Variants in PAWR observed in about 807,000 individuals in gnomAD.
PAWR encodes PRKC apoptosis WT1 regulator protein.
In PAWR, 23 loss-of-function variants were observed where a neutral mutation model predicts 32.0. The ratio of observed to expected loss-of-function variants is 0.72; its 90% CI spans 0.52 to 1.02. PAWR has a LOEUF of 1.02. PAWR is among the 50% of genes least tolerant of loss of function. The pLI, the probability that PAWR is intolerant of heterozygous loss-of-function variation, is 0.00. For synonymous variants in PAWR, 226 were observed against 187.1 expected, an observed-to-expected ratio of 1.21 and a Z score of -1.70; for missense variants, 457 against 437.7, an observed-to-expected ratio of 1.04 and a Z score of -0.39.
intron 2 of PAWR, among the ~76,000 whole-genome samples, chr12:79,627,413 C>T (rs1289127163): frequency 6.6e-6 from 1 of 152,142 alleles, no homozygotes; most frequent in Non-Finnish European, 1.5e-5. Flanking sequence ...TGTTCATATC[C>T]TTCGCCCACT....
chr12:79,641,986 T>A (rs1156869999), intron 2 of PAWR, among the ~76,000 whole-genome samples: 6 of 151,634 alleles, frequency 4.0e-5, no homozygotes, highest in African/African-American at 1.5e-4. Flanking sequence ...GGATATAATG[T>A]AAAAAATGTA....
intron 4 of PAWR, among the ~76,000 whole-genome samples, chr12:79,600,544 C>T (rs1873919347): frequency 6.6e-6 from 1 of 151,748 alleles, no homozygotes; most frequent in African/African-American, 2.4e-5. Flanking sequence ...GCCACCATGG[C>T]TCACTGCAGC....
At chr12:79,665,905 C>T (rs1359863671) in intron 2 of PAWR, among the ~76,000 whole-genome samples, 1 of 152,190 alleles carries the variant, frequency 6.6e-6, no homozygotes, top group African/African-American at 2.4e-5. Context: ...ATATATCTCA[C>T]AATAAATAAG....
At chr12:79,680,013 C>T (rs1878363383) in intron 2 of PAWR, among the ~76,000 whole-genome samples, 1 of 152,076 alleles carries the variant, frequency 6.6e-6, no homozygotes. Flanking sequence ...GTTTTTACAA[C>T]GTTTTACATA....
At position 79,689,983 on chromosome 12, in the gene PAWR, C is replaced by T. The variant is rs1878906729; in HGVS notation, c.262G>A (p.Gly88Ser). Reference sequence around the variant, plus strand: ...GCGGAGCCGACCGCGCAGTTCACGCCCCCGGGACCGGGGACGGCAGGTGCG... The same window carrying T: ...GCGGAGCCGACCGCGCAGTTCACGCTCCCGGGACCGGGGACGGCAGGTGCG... ...PAAPAVPGPGGVNCAVGSAML... is the reference protein window; with the variant it reads ...PAAPAVPGPGSVNCAVGSAML... Residue 88 changes from glycine (G) to serine (S), a missense_variant, in exon 2 of 7, where the codon GGC (glycine) becomes AGC (serine). Coordinates refer to ENST00000328827, the MANE Select transcript of PAWR (RefSeq NM_002583.4). The T allele has an allele frequency of 1.5e-6, 2 of 1,322,608 alleles. No individual in the cohort carries two copies. Among genetic ancestry groups the T allele is most frequent in the African/African-American group, 1.6e-5 (1 of 64,488 alleles). The allele number at this position is 1,322,608 out of a possible 1,614,324, so 81.9% of individuals were successfully genotyped here.
At chr12:79,614,459 T>C (rs1308611778) in intron 3 of PAWR, among the ~76,000 whole-genome samples, 3 of 152,164 alleles carry the variant, frequency 2.0e-5, no homozygotes, top group Non-Finnish European at 4.4e-5. Flanking sequence ...CATTTTAATA[T>C]TGTGCTGATT....
chr12:79,646,249 A>G (rs918776271), intron 2 of PAWR, among the ~76,000 whole-genome samples: 1 of 152,200 alleles, frequency 6.6e-6, no homozygotes, highest in African/African-American at 2.4e-5. Flanking sequence ...TCAGTTGATT[A>G]AGAAAAAGCT....
At chr12:79,637,449 C>T (rs1004087334) in intron 2 of PAWR, among the ~76,000 whole-genome samples, 3 of 151,372 alleles carry the variant, frequency 2.0e-5, no homozygotes, top group African/African-American at 7.3e-5. Context: ...CATCACTCGA[C>T]CTCTGCCCTA....
intron 2 of PAWR, among the ~76,000 whole-genome samples, chr12:79,626,599 T>C (rs996034300): frequency 4.6e-5 from 7 of 151,544 alleles, no homozygotes; most frequent in African/African-American, 1.5e-4. Context: ...TTAATTTTAT[T>C]ATTATTATAC....
At chr12:79,686,187 A>C (rs1203680599) in intron 2 of PAWR, among the ~76,000 whole-genome samples, 5 of 152,160 alleles carry the variant, frequency 3.3e-5, no homozygotes, top group African/African-American at 1.2e-4. Context: ...TACATTTTCT[A>C]TGGCACCCAT....
intron 2 of PAWR, among the ~76,000 whole-genome samples, chr12:79,649,285 C>A (rs545408174): frequency 3.3e-5 from 5 of 152,090 alleles, no homozygotes; most frequent in South Asian, 4.2e-4. Flanking sequence ...AGTCAACAGG[C>A]TCAGATGTTA....
chr12:79,685,412 T>C (rs1337679392), intron 2 of PAWR, among the ~76,000 whole-genome samples: 1 of 152,210 alleles, frequency 6.6e-6, no homozygotes, highest in Non-Finnish European at 1.5e-5. Context: ...AAGTGGAACT[T>C]GTCCTATATA....
chr12:79,645,506 T>C (rs2136783952), intron 2 of PAWR, among the ~76,000 whole-genome samples: 1 of 152,298 alleles, frequency 6.6e-6, no homozygotes, highest in Admixed American at 6.5e-5. Context: ...AGGGCTAGTA[T>C]ACTCTATTTA....
At chr12:79,632,547 T>G (rs1875759459) in intron 2 of PAWR, among the ~76,000 whole-genome samples, 10 of 150,274 alleles carry the variant, frequency 6.7e-5, no homozygotes, top group Admixed American at 6.6e-4. Flanking sequence ...TTTTGTTTAG[T>G]TTTTTGTAGA....
At chr12:79,606,038 C>T (rs142737544) in intron 4 of PAWR, among the ~76,000 whole-genome samples, 1 of 152,218 alleles carries the variant, frequency 6.6e-6, no homozygotes, top group African/African-American at 2.4e-5. Context: ...TGCACCACTG[C>T]ACACTAACCT....
intron 4 of PAWR, among the ~76,000 whole-genome samples, chr12:79,606,003 C>T (rs1432818206): frequency 5.3e-5 from 8 of 152,076 alleles, no homozygotes; most frequent in South Asian, 2.1e-4. Context: ...GAACCCACAA[C>T]GCGGGGGTTG....
chr12:79,628,501 G>A (rs1047482243), intron 2 of PAWR, among the ~76,000 whole-genome samples: 3 of 151,980 alleles, frequency 2.0e-5, no homozygotes, highest in Admixed American at 6.6e-5. Context: ...AAAACCCTTC[G>A]AAATGACAAC....
intron 4 of PAWR, 179 bp from the exon 5 acceptor site, chr12:79,596,837 T>G: frequency 1.9e-6 from 1 of 514,410 alleles, no homozygotes; most frequent in Non-Finnish European, 3.4e-6. Flanking sequence ...AATGTAAAAG[T>G]ACCATTAATT....
rs1873415926 is a variant in PAWR, at chr12:79,587,446, T to C, written c.*5161A>G. The C allele has an allele frequency of 6.6e-6, 1 of 152,094 alleles. No homozygotes were observed. The allele number at this position is 152,094 out of a possible 1,614,324, so 9.4% of individuals were successfully genotyped here. ...AAACTTTGAAGGACCTGAAATTCTTTGGACACCATCAGATTTAGTTTATAA... is the reference window on the plus strand; with the variant it reads ...AAACTTTGAAGGACCTGAAATTCTTCGGACACCATCAGATTTAGTTTATAA... On this transcript the variant is annotated 3_prime_UTR_variant, in exon 7 of 7. Transcript: ENST00000328827.
Sources: allele counts gnomAD v4.1 joint callset (sites outside exome capture counted in the v4.1 genomes callset), GRCh38; gene constraint gnomAD v4.1.1; transcripts MANE v1.5; gene names NCBI Gene and HGNC (gene_info 2026-07-23, HGNC 2026-07-21).